The following POLR3E variants were observed in gnomAD, a reference collection of about 807,000 sequenced individuals.
The protein encoded by POLR3E is RNA polymerase III subunit E, also known as DNA-directed RNA polymerase III subunit RPC5.
In POLR3E, 41 loss-of-function variants were observed where a neutral mutation model predicts 96.6. That is an observed-to-expected ratio of 0.42 (90% CI 0.33 to 0.55). POLR3E has a LOEUF of 0.55. Among genes scored for constraint, POLR3E ranks in the 20% least tolerant of loss-of-function variants. The probability of loss-of-function intolerance (pLI) is 0.06; values close to 1 mark genes in which losing one functional copy is unlikely to be tolerated. For missense variants in POLR3E, 849 were observed against 952.1 expected (o/e 0.89, Z 1.43); for synonymous variants, 396 against 383.6 (o/e 1.03, Z -0.38).
rs572932410 is a variant in POLR3E, at chr16:22,313,194, A to C, written c.365-426A>C. Among the ~76,000 whole-genome samples the C allele has an allele frequency of 4.6e-5, 7 of 152,234 alleles. No homozygotes were observed. Among genetic ancestry groups the C allele is most frequent in the Admixed American group, 4.6e-4 (7 of 15,288 alleles). ...ACGGGTGGGATTTTGGCGGGAAAAG[A>C]TGGAGGATAAGAAGGAGAGGAAATC... On this transcript the variant is annotated intron_variant, in intron 6 of 20. Transcript: ENST00000299853. This position sits in a 1 kb window ranked among gnomAD's most constrained non-coding sequence, Gnocchi z 4.1.
chr16:22,322,131 C>T lies in POLR3E; in HGVS notation c.987-719C>T, dbSNP rs1021026060. Among the ~76,000 whole-genome samples the T allele has an allele frequency of 6.6e-6, 1 of 152,210 alleles. No individual in the cohort carries two copies. Among genetic ancestry groups the T allele is most frequent in the African/African-American group, 2.4e-5 (1 of 41,450 alleles). On this transcript the variant is annotated intron_variant, in intron 13 of 20. Coordinates refer to ENST00000299853, the MANE Select transcript of POLR3E (RefSeq NM_018119.4). This position sits in a 1 kb window ranked among gnomAD's most constrained non-coding sequence, Gnocchi z 5.2. ...CGGCAGAGTCCGTGTCCCCACAGAG[C>T]GTGGCCTTGCAGGATGAGTGACAGT...
At chr16:22,309,561 G>A in intron 6 of POLR3E, 51 bp downstream of exon 6, 1 of 1,294,300 alleles carries the variant, frequency 7.7e-7, no homozygotes, top group Non-Finnish European at 1.1e-6. Flanking sequence ...GGGGGGGGCT[G>A]GGCAGGGAGA....
Position 22,316,588 on chromosome 16 carries a change from C to T in POLR3E, c.643-13C>T, listed in dbSNP as rs780025890. On this transcript the variant is annotated splice_polypyrimidine_tract_variant and intron_variant, in intron 9 of 20. Transcript: ENST00000299853. ...AGCTGAGGCTCCTCTCACACCCTGC[C>T]CTCCTCCAACAGGACAGTCGCTCTG... is the stretch of plus-strand genomic sequence containing the variant. 5.6e-6 allele frequency: 9 copies of T among 1,609,490 alleles called. No individual in the cohort carries two copies. In the African/African-American group the frequency reaches 1.2e-4, roughly 21 times the overall value.
chr16:22,328,683 C>T, intron 19 of POLR3E, 96 bp downstream of exon 19: 1 of 952,838 alleles, frequency 1.0e-6, no homozygotes, highest in African/African-American at 1.6e-5. Flanking sequence ...AGTGCAGCCA[C>T]ACATTTCAGA....
At position 22,316,977 on chromosome 16, in the gene POLR3E, C is replaced by A; in HGVS notation, c.729-18C>A. The stretch of plus-strand genomic sequence containing the variant: ...CCTGGATCAGCCCTGAGCCTCTGCC[C>A]CTGCCATGTCCCTGCAGTGAGTACC... On this transcript the variant is annotated intron_variant, in intron 10 of 20. Transcript: ENST00000299853. The A allele has an allele frequency of 6.2e-7, 1 of 1,613,798 alleles. No individual in the cohort carries two copies. Among genetic ancestry groups the A allele is most frequent in the Non-Finnish European group, 8.5e-7 (1 of 1,179,668 alleles).
intron 12 of POLR3E, among the ~76,000 whole-genome samples, 183 bp downstream of exon 12, chr16:22,317,389 C>T (rs1039585506): frequency 3.3e-5 from 5 of 152,242 alleles, no homozygotes; most frequent in African/African-American, 4.8e-5. Context: ...GGCCAGCTCC[C>T]GCAGGCAGCC....
At chr16:22,332,645 C>T (rs1025566044) in intron 20 of POLR3E, among the ~76,000 whole-genome samples, 2 of 152,108 alleles carry the variant, frequency 1.3e-5, no homozygotes, top group Non-Finnish European at 2.9e-5. Flanking sequence ...GTTGAGAATC[C>T]TCACTCTACT....
intron 20 of POLR3E, among the ~76,000 whole-genome samples, chr16:22,333,166 G>A (rs1046254461): frequency 2.0e-5 from 3 of 149,724 alleles, no homozygotes; most frequent in African/African-American, 7.3e-5. Flanking sequence ...ATGCCCCTGA[G>A]GAATGGCCAG....
intron 17 of POLR3E, 200 bp downstream of exon 17, chr16:22,325,466 T>C (rs1213364003): frequency 1.6e-6 from 1 of 621,928 alleles, no homozygotes; most frequent in Non-Finnish European, 2.8e-6. Flanking sequence ...GGACGGAGGC[T>C]TGCGGATTCC....
intron 14 of POLR3E, 77 bp downstream of exon 14, chr16:22,323,008 C>T (rs545349756): frequency 5.6e-5 from 55 of 982,238 alleles, no homozygotes; most frequent in African/African-American, 3.9e-4. Flanking sequence ...TTCTGAAGAC[C>T]GGGGCCCGGC....
intron 14 of POLR3E, among the ~76,000 whole-genome samples, chr16:22,323,847 G>A (rs2048520507): frequency 6.6e-6 from 1 of 152,150 alleles, no homozygotes; most frequent in Non-Finnish European, 1.5e-5. Flanking sequence ...TCCATTCCCT[G>A]TGTCTCTCAG....
chr16:22,299,128 G>T (rs1483727162), intron 1 of POLR3E: 6 of 447,430 alleles, frequency 1.3e-5, no homozygotes, highest in Non-Finnish European at 2.7e-5. Flanking sequence ...TTAAAATAGG[G>T]TGGTCAGGGA....
chr16:22,309,245 C>T, intron 5 of POLR3E, 183 bp from the exon 6 acceptor site: 2 of 699,438 alleles, frequency 2.9e-6, no homozygotes, highest in East Asian at 2.5e-5. Context: ...TCTTGGTCTA[C>T]AAACAAGGCC....
chr16:22,314,341 G>A (rs1238448113), intron 8 of POLR3E, among the ~76,000 whole-genome samples: 1 of 152,178 alleles, frequency 6.6e-6, no homozygotes, highest in Admixed American at 6.5e-5. Flanking sequence ...TGTGCCTGGG[G>A]CTTGGCTAGA....
chr16:22,325,904 A>AAGG lies in POLR3E; in HGVS notation c.1498_1500dup (p.Glu500dup), dbSNP rs751068752. 3.7e-6 allele frequency: 6 copies of AAGG among 1,606,754 alleles called. No homozygotes were observed. In the South Asian group the frequency reaches 5.5e-5, roughly 15 times the overall value. ...TGCGGTCCCGCCCGGTGTGCGGATC[A>AAGG]AGGAGGAGCCCGTGAGCGAGGAGGG... On this transcript the variant is annotated inframe_insertion, in exon 18 of 21. Transcript: ENST00000299853.
intron 1 of POLR3E, chr16:22,299,079 G>A (rs898129957): frequency 1.1e-5 from 5 of 455,956 alleles, no homozygotes; most frequent in African/African-American, 1.0e-4. Context: ...AAAGAAAACA[G>A]AGATGTGGTA....
intron 1 of POLR3E, among the ~76,000 whole-genome samples, chr16:22,299,187 C>A (rs1198457168): frequency 2.6e-5 from 4 of 152,046 alleles, no homozygotes; most frequent in Non-Finnish European, 5.9e-5. Flanking sequence ...AAAGGAGCAA[C>A]CTTGGAAATC....
At chr16:22,315,673 T>A (rs898874471) in intron 9 of POLR3E, among the ~76,000 whole-genome samples, 9 of 151,592 alleles carry the variant, frequency 5.9e-5, no homozygotes, top group Admixed American at 4.0e-4. Context: ...TTTATTTATT[T>A]ATTATTTATT....
chr16:22,324,907 C>T (rs894503371), intron 16 of POLR3E, among the ~76,000 whole-genome samples: 1 of 152,156 alleles, frequency 6.6e-6, no homozygotes, highest in Non-Finnish European at 1.5e-5. Context: ...AGTACCTGCT[C>T]ATCAGGGTGG....
Sources: allele counts gnomAD v4.1 joint callset (sites outside exome capture counted in the v4.1 genomes callset), GRCh38; gene constraint gnomAD v4.1.1; non-coding constraint Gnocchi (gnomAD v3.1); transcripts MANE v1.5; gene names NCBI Gene and HGNC (gene_info 2026-07-23, HGNC 2026-07-21).